Variants in ZBTB24 observed in about 807,000 individuals in gnomAD.
ZBTB24 encodes zinc finger and BTB domain containing 24, also known as zinc finger and BTB domain-containing protein 24.
ZBTB24 carries 32 observed loss-of-function variants against 53.8 expected under a neutral mutation model. The observed-to-expected ratio is 0.60, with a 90% CI of 0.45 to 0.80. The LOEUF is 0.80. Among genes scored for constraint, ZBTB24 ranks in the 30% least tolerant of loss-of-function variants. ZBTB24 has a pLI of 0.00. For missense variants in ZBTB24, 722 were observed against 837.1 expected (o/e 0.86, Z 1.70); for synonymous variants, 297 against 306.7 (o/e 0.97, Z 0.33).
At chr6:109,476,138 C>T (rs1377833021) in intron 4 of ZBTB24, 37 bp downstream of exon 4, 1 of 1,602,794 alleles carries the variant, frequency 6.2e-7, no homozygotes, top group African/African-American at 1.3e-5. Context: ...ATTTGCATTT[C>T]TTCCCCCCCA....
intron 6 of ZBTB24, among the ~76,000 whole-genome samples, 188 bp from the exon 7 acceptor site, chr6:109,466,762 T>C (rs1776053353): frequency 6.6e-6 from 1 of 152,016 alleles, no homozygotes; most frequent in South Asian, 2.1e-4. Context: ...AATCTGAAAA[T>C]AGGGTGTGGG....
intron 2 of ZBTB24, among the ~76,000 whole-genome samples, chr6:109,479,046 A>T (rs149834041): frequency 3.5e-4 from 53 of 152,338 alleles, no homozygotes; most frequent in African/African-American, 1.3e-3. Flanking sequence ...GGTGGGGCCA[A>T]AAATGATGGA....
chr6:109,470,787 G>C (rs1048860008), intron 5 of ZBTB24, among the ~76,000 whole-genome samples: 3 of 152,170 alleles, frequency 2.0e-5, no homozygotes, highest in East Asian at 1.9e-4. Context: ...CTCATCTCTT[G>C]AGACAACCAG....
Position 109,475,497 on chromosome 6 carries a change from A to G in ZBTB24, c.1205-15T>C. On this transcript the variant is annotated splice_polypyrimidine_tract_variant and intron_variant, in intron 4 of 6. Transcript: ENST00000230122. ...TAATGAGTGGCCTTGTCGCAACAAT[A>G]AAAAAAGTGTCAGTGCATACATGCT... is the stretch of plus-strand genomic sequence containing the variant. 6.2e-7 allele frequency: 1 copy of G among 1,613,534 alleles called. No individual in the cohort carries two copies. The highest frequency in any genetic ancestry group is 8.5e-7 in the Non-Finnish European group (1 of 1,179,514).
At chr6:109,478,300 T>G (rs147457455) in intron 2 of ZBTB24, among the ~76,000 whole-genome samples, 127 of 152,310 alleles carry the variant, frequency 8.3e-4, no homozygotes, top group Admixed American at 7.8e-3. Context: ...CACCTACGTC[T>G]TTAGAGGAAT....
chr6:109,482,328 T>C (rs1355744076), intron 1 of ZBTB24, among the ~76,000 whole-genome samples: 1 of 151,900 alleles, frequency 6.6e-6, no homozygotes, highest in African/African-American at 2.4e-5. Context: ...TAGCCTGGCG[T>C]GGTGGCGCCC....
At chr6:109,467,826 C>A in intron 5 of ZBTB24, 92 bp from the exon 6 acceptor site, 1 of 1,411,914 alleles carries the variant, frequency 7.1e-7, no homozygotes, top group Non-Finnish European at 9.6e-7. Flanking sequence ...AAAAACACTT[C>A]GGTTTCACAA....
intron 3 of ZBTB24, 56 bp from the exon 4 acceptor site, chr6:109,476,314 C>T (rs1776277949): frequency 1.9e-6 from 3 of 1,586,360 alleles, no homozygotes; most frequent in Non-Finnish European, 2.6e-6. Context: ...AACTGGAATG[C>T]TCACTAATAA....
Position 109,481,501 on chromosome 6 carries a change from A to C in ZBTB24, c.526T>G (p.Ser176Ala). The change falls in exon 2 of 7, where the codon TCA becomes GCA. Residue 176 changes from serine (S) to alanine (A), a missense_variant. Transcript: ENST00000230122. Reference sequence around the variant, plus strand: ...ATTTCTTCCTCTGCAGCCAGTTCTGATTTCTCCTCCTGCAATGTATTGACT... The same window carrying C: ...ATTTCTTCCTCTGCAGCCAGTTCTGCTTTCTCCTCCTGCAATGTATTGACT... ...KKVNTLQEEKSELAAEEEIQL... is the reference protein window; with the variant it reads ...KKVNTLQEEKAELAAEEEIQL... 6.2e-7 allele frequency: 1 copy of C among 1,614,012 alleles called. No individual in the cohort carries two copies. The highest frequency in any genetic ancestry group is 8.5e-7 in the Non-Finnish European group (1 of 1,179,998).
chr6:109,479,915 C>CAAAAAAA (rs200514874), intron 2 of ZBTB24, among the ~76,000 whole-genome samples: 3 of 41,824 alleles, frequency 7.2e-5, no homozygotes, highest in African/African-American at 1.8e-4. Flanking sequence ...GAATCCATCT[C>CAAAAAAA]AAAAAAAAAA....
At position 109,464,585 on chromosome 6, in the gene ZBTB24, A is replaced by C. The variant is rs1282825286; in HGVS notation, c.*1266T>G. On this transcript the variant is annotated 3_prime_UTR_variant, in exon 7 of 7. Coordinates refer to ENST00000230122, the MANE Select transcript of ZBTB24 (RefSeq NM_014797.3). ...AATTTAATCTTTTGATGATGATTTA[A>C]AAATCATACAATTACAGACACATGC... 1 of 152,230 alleles carries C rather than the reference A, an allele frequency of 6.6e-6. No homozygotes were observed. Among genetic ancestry groups the C allele is most frequent in the African/African-American group, 2.4e-5 (1 of 41,458 alleles). 9.4% of individuals were successfully genotyped at this position (152,230 alleles called of 1,614,324 possible). A position where few individuals can be genotyped will look rare whatever the true frequency, so the allele number is the denominator to read the frequency against.
At chr6:109,469,138 T>A (rs1003073158) in intron 5 of ZBTB24, among the ~76,000 whole-genome samples, 1 of 152,230 alleles carries the variant, frequency 6.6e-6, no homozygotes, top group African/African-American at 2.4e-5. Context: ...CTTTGCATCA[T>A]GAACTCTTAC....
At position 109,481,656 on chromosome 6, in the gene ZBTB24, G is replaced by A. The variant is rs745321015; in HGVS notation, c.371C>T (p.Ala124Val). 6.2e-7 allele frequency: 1 copy of A among 1,614,178 alleles called. No individual in the cohort carries two copies. The highest frequency in any genetic ancestry group is 1.1e-5 in the South Asian group (1 of 91,082). ...ATGATTATTTTGGAAGTCTGTGTAA[G>A]CCTTTACCAGGTCATAGACTTTTAA... ...QFLKVYDLVKAYTDFQNNHSS... is the reference protein window; with the variant it reads ...QFLKVYDLVKVYTDFQNNHSS... The change falls in exon 2 of 7, where the codon GCT (alanine) becomes GTT (valine). Residue 124 changes from alanine to valine, a missense_variant. By Grantham distance (64) the Ala-to-Val change is moderately conservative (BLOSUM62 0). Coordinates refer to ENST00000230122, the MANE Select transcript of ZBTB24 (RefSeq NM_014797.3).
rs546024043 is a variant in ZBTB24 at position 109,466,707 on chromosome 6, T to C, written c.1371-133A>G. On this transcript the variant is annotated intron_variant, in intron 6 of 6. Coordinates refer to ENST00000230122, the MANE Select transcript of ZBTB24 (RefSeq NM_014797.3). ...AGTCATAAGTCATGGGTTCACCTAC[T>C]AATTCAAGGACTTGAAGCAAGTCTC... 8.2e-5 allele frequency: 102 copies of C among 1,240,660 alleles called. No individual in the cohort carries two copies. In the African/African-American group the frequency reaches 1.4e-3, roughly 17 times the overall value. 76.9% of individuals were successfully genotyped at this position (1,240,660 alleles called of 1,614,324 possible).
chr6:109,475,687 C>A (rs905623001), intron 4 of ZBTB24, among the ~76,000 whole-genome samples: 7 of 152,240 alleles, frequency 4.6e-5, no homozygotes, highest in African/African-American at 1.7e-4. Flanking sequence ...TAGGATCCTT[C>A]CAATTCTAAA....
chr6:109,466,501 T>C lies in ZBTB24; in HGVS notation c.1444A>G (p.Ile482Val), dbSNP rs1562299291. Residue 482 changes from isoleucine (I) to valine (V), a missense_variant, in exon 7 of 7, where the codon ATT becomes GTT. Transcript: ENST00000230122. ...AAAGGCTTCTTGCCAGTGTGTAGAA[T>C]GCAGTGTCTCCTTTTGGCACTGGAG... ...SDSSAKRRHC[I>V]LHTGKKPFSC... The C allele has an allele frequency of 4.3e-6, 7 of 1,614,152 alleles. No individual in the cohort carries two copies. The highest frequency in any genetic ancestry group is 1.7e-5 in the Admixed American group (1 of 60,018).
At chr6:109,479,915 CAAAAAAAAAAA>C (rs200514874) in intron 2 of ZBTB24, among the ~76,000 whole-genome samples, 40 of 41,828 alleles carry the variant, frequency 9.6e-4, no homozygotes, top group Middle Eastern at 0.026. Context: ...GAATCCATCT[CAAAAAAAAAAA>C]AAAAAAAAAA....
Position 109,481,842 on chromosome 6 carries a change from A to G in ZBTB24, c.185T>C (p.Phe62Ser). The G allele has an allele frequency of 6.2e-7, 1 of 1,614,188 alleles. No individual in the cohort carries two copies. The highest frequency in any genetic ancestry group is 8.5e-7 in the Non-Finnish European group (1 of 1,180,032). The change falls in exon 2 of 7, where the codon TTC becomes TCC. Residue 62 changes from phenylalanine to serine, a missense_variant. Transcript: ENST00000230122. ...KALLAASSEYFSMMFAEEGEI... is the reference protein window; with the variant it reads ...KALLAASSEYSSMMFAEEGEI... ...CCCCTCTTCTGCAAACATCATTGAG[A>G]AGTATTCACTACTGGCAGCAAGTAA...
chr6:109,483,035 G>A (rs1386906610), intron 1 of ZBTB24, 63 bp downstream of exon 1: 2 of 152,148 alleles, frequency 1.3e-5, no homozygotes, highest in Non-Finnish European at 2.9e-5. Context: ...GCGGGGGAGG[G>A]GTCGGCGCGG....
Sources: allele counts gnomAD v4.1 joint callset (sites outside exome capture counted in the v4.1 genomes callset), GRCh38; gene constraint gnomAD v4.1.1; transcripts MANE v1.5; gene names NCBI Gene and HGNC (gene_info 2026-07-23, HGNC 2026-07-21).